STAB2: variants seen among roughly 807,000 people sequenced by gnomAD.
The protein encoded by STAB2 is stabilin 2, also known as stabilin-2.
STAB2 carries 288 observed loss-of-function variants against 338.1 expected under a neutral mutation model. The observed-to-expected ratio is 0.85, with a 90% CI of 0.77 to 0.94. The LOEUF is 0.94. Ranked by LOEUF, STAB2 falls within the 40% of genes least tolerant of loss-of-function variation. STAB2 has a pLI of 0.00. For synonymous variants in STAB2, 1,202 were observed against 1,193.3 expected, an observed-to-expected ratio of 1.01 and a Z score of -0.15; for missense variants, 3,141 against 3,210.1, an observed-to-expected ratio of 0.98 and a Z score of 0.52.
At chr12:103,695,395 G>A (rs1012604698) in intron 31 of STAB2, among the ~76,000 whole-genome samples, 155 bp from the exon 32 acceptor site, 1 of 152,172 alleles carries the variant, frequency 6.6e-6, no homozygotes, top group East Asian at 1.9e-4. Flanking sequence ...CTGTATCCTG[G>A]AATATTTTTA....
intron 9 of STAB2, among the ~76,000 whole-genome samples, chr12:103,642,403 A>G (rs1296313038): frequency 1.3e-5 from 2 of 152,220 alleles, no homozygotes; most frequent in African/African-American, 4.8e-5. Flanking sequence ...GTGCAAAAGT[A>G]CAAACAACAG....
At chr12:103,638,321 C>A (rs534580398) in intron 8 of STAB2, 109 bp downstream of exon 8, 5 of 1,269,350 alleles carry the variant, frequency 3.9e-6, no homozygotes, top group Non-Finnish European at 5.4e-6. Flanking sequence ...TTCAATGTTC[C>A]GCTTGGTCTT....
chr12:103,697,382 C>G (rs571719833), intron 33 of STAB2, among the ~76,000 whole-genome samples: 9 of 152,342 alleles, frequency 5.9e-5, no homozygotes, highest in African/African-American at 1.9e-4. Context: ...CTAACCCAAC[C>G]CATTTCTTTA....
At chr12:103,720,214 T>C (rs966597015) in intron 44 of STAB2, among the ~76,000 whole-genome samples, 3 of 152,180 alleles carry the variant, frequency 2.0e-5, no homozygotes, top group Non-Finnish European at 4.4e-5. Context: ...GGGCCATTCA[T>C]GTTTTGTAAA....
intron 5 of STAB2, among the ~76,000 whole-genome samples, chr12:103,622,919 A>C (rs1957324814): frequency 6.6e-6 from 1 of 152,188 alleles, no homozygotes; most frequent in African/African-American, 2.4e-5. Context: ...CCTAATTCTA[A>C]TGGTTCCCTT....
In STAB2 at chr12:103,622,527, G is replaced by A. The variant is rs140130175; in HGVS notation, c.487+416G>A. Among the ~76,000 whole-genome samples the A allele has an allele frequency of 7.5e-3, 1,141 of 152,320 alleles. 23 individuals are homozygous for A. Among genetic ancestry groups the A allele is most frequent in the Admixed American group, 0.038 (587 of 15,302 alleles). ...TATTGTTACAGGTGCATACTCCTAA[G>A]TTAGGTTTTCAATCTCATCTACCTA... On this transcript the variant is annotated intron_variant, in intron 5 of 68. Transcript: ENST00000388887.
chr12:103,729,110 A>C, intron 48 of STAB2, 115 bp downstream of exon 48: 2 of 949,236 alleles, frequency 2.1e-6, no homozygotes, highest in Non-Finnish European at 3.2e-6. Context: ...AGAAAACCCA[A>C]TGCTGCATGT....
At chr12:103,700,898 A>G (rs1309797993) in intron 34 of STAB2, among the ~76,000 whole-genome samples, 1 of 151,946 alleles carries the variant, frequency 6.6e-6, no homozygotes, top group Non-Finnish European at 1.5e-5. Context: ...CACAATGTGC[A>G]GGTTAGTTAC....
At chr12:103,749,300 T>C (rs61300396) in intron 59 of STAB2, 144 bp downstream of exon 59, 203,156 of 968,138 alleles carry the variant, frequency 0.21, 22,930 homozygotes, top group Non-Finnish European at 0.23. Context: ...TTAAAAGTCA[T>C]TGGGCTAAAT....
intron 44 of STAB2, among the ~76,000 whole-genome samples, chr12:103,723,049 G>A (rs1235785385): frequency 6.6e-6 from 1 of 152,204 alleles, no homozygotes; most frequent in Non-Finnish European, 1.5e-5. Flanking sequence ...CAAACAAGTG[G>A]TGAAGCTCAG....
chr12:103,640,665 C>A (rs1022176501), intron 9 of STAB2, among the ~76,000 whole-genome samples: 1 of 152,138 alleles, frequency 6.6e-6, no homozygotes, highest in African/African-American at 2.4e-5. Context: ...AGTGAATAAG[C>A]ACTAGTGGTG....
intron 44 of STAB2, among the ~76,000 whole-genome samples, chr12:103,718,222 G>A (rs1023419398): frequency 3.3e-5 from 5 of 152,094 alleles, no homozygotes; most frequent in Admixed American, 1.3e-4. Flanking sequence ...AGACTTACAC[G>A]TAGGAATCCA....
At chr12:103,745,301 G>A in intron 57 of STAB2, 24 bp downstream of exon 57, 2 of 1,606,020 alleles carry the variant, frequency 1.2e-6, no homozygotes, top group Non-Finnish European at 1.7e-6. Context: ...GTGGTCAGCT[G>A]CTGGCAGCCC....
intron 38 of STAB2, 96 bp downstream of exon 38, chr12:103,707,083 C>T: frequency 7.1e-7 from 1 of 1,409,352 alleles, no homozygotes; most frequent in Non-Finnish European, 9.6e-7. Flanking sequence ...TCTAGCTGGC[C>T]TGTCGCCCCA....
chr12:103,712,952 G>A (rs1377127047), intron 41 of STAB2, among the ~76,000 whole-genome samples: 2 of 152,174 alleles, frequency 1.3e-5, no homozygotes, highest in East Asian at 3.9e-4. Flanking sequence ...CCCTTGCAGA[G>A]TGGTTTTGAG....
chr12:103,663,255 A>G (rs572152346), intron 18 of STAB2, among the ~76,000 whole-genome samples: 3 of 152,316 alleles, frequency 2.0e-5, no homozygotes, highest in Admixed American at 1.3e-4. Context: ...TGCCATGATG[A>G]ATTACCACAA....
chr12:103,699,296 A>T, intron 34 of STAB2, 69 bp downstream of exon 34: 2 of 1,541,026 alleles, frequency 1.3e-6, no homozygotes, highest in South Asian at 2.4e-5. Context: ...ATGAGGAATG[A>T]GTGTCTTGGC....
chr12:103,728,237 T>A (rs781420417), intron 47 of STAB2, among the ~76,000 whole-genome samples: 1 of 152,170 alleles, frequency 6.6e-6, no homozygotes, highest in Non-Finnish European at 1.5e-5. Context: ...CTGCAGCCTC[T>A]ACCTCCTGGG....
chr12:103,597,403 C>G (rs1056013912), intron 3 of STAB2, among the ~76,000 whole-genome samples: 2 of 152,166 alleles, frequency 1.3e-5, no homozygotes, highest in Non-Finnish European at 2.9e-5. Flanking sequence ...CAAATACATT[C>G]ATATGTAACA....
Sources: gnomAD v4.1 joint callset for allele counts (sites outside exome capture counted in the v4.1 genomes callset) on GRCh38, gnomAD v4.1.1 for gene constraint, MANE v1.5 for transcripts, NCBI Gene and HGNC (gene_info 2026-07-23, HGNC 2026-07-21) for gene names.